CMIP: variants seen among roughly 807,000 people sequenced by gnomAD.
CMIP encodes the protein c-Maf inducing protein.
A neutral mutation model predicts 97.3 loss-of-function variants in CMIP; 13 were observed. The observed-to-expected ratio is 0.13, with a 90% CI of 0.09 to 0.21. The LOEUF (loss-of-function observed/expected upper bound fraction) is 0.21, where lower values mean the gene tolerates loss of function less well. Ranked by LOEUF, CMIP falls within the 10% of genes least tolerant of loss-of-function variation. CMIP has a pLI of 1.00. For missense variants in CMIP, 847 were observed against 1,024.9 expected (o/e 0.83, Z 2.37); for synonymous variants, 538 against 436.3 (o/e 1.23, Z -2.91).
intron 3 of CMIP, among the ~76,000 whole-genome samples, chr16:81,623,294 T>G (rs1184296950): frequency 1.3e-5 from 2 of 152,262 alleles, no homozygotes; most frequent in Non-Finnish European, 2.9e-5. Flanking sequence ...CTAGCAGCTC[T>G]CATGAAGACC....
In CMIP at chr16:81,453,538, C is replaced by T. The variant is rs1906363319; in HGVS notation, c.300+7997C>T. Among the ~76,000 whole-genome samples the T allele has an allele frequency of 1.3e-5, 2 of 152,200 alleles. No individual in the cohort carries two copies. Among genetic ancestry groups the T allele is most frequent in the African/African-American group, 2.4e-5 (1 of 41,446 alleles). Reference sequence around the variant, plus strand: ...TCTGAGCAGACCCAGGCCTGGCTCTCCTCCCTCGCATGTTGGCTCCCTGTG... The same window carrying T: ...TCTGAGCAGACCCAGGCCTGGCTCTTCTCCCTCGCATGTTGGCTCCCTGTG... On this transcript the variant is annotated intron_variant, in intron 1 of 20. Coordinates refer to ENST00000537098, the MANE Select transcript of CMIP (RefSeq NM_198390.3). The surrounding 1 kb of genome is among the most constrained non-coding windows in gnomAD (Gnocchi z 4.0).
At chr16:81,651,830 C>G (rs1486843123) in intron 3 of CMIP, among the ~76,000 whole-genome samples, 1 of 152,178 alleles carries the variant, frequency 6.6e-6, no homozygotes, top group Non-Finnish European at 1.5e-5. Flanking sequence ...CTCAGCTCTG[C>G]CAACTCTAGA....
chr16:81,492,808 T>G (rs2089425853), intron 1 of CMIP, among the ~76,000 whole-genome samples: 1 of 136,844 alleles, frequency 7.3e-6, no homozygotes, highest in South Asian at 2.4e-4. Flanking sequence ...AGGCGGAAGT[T>G]GTCGTGGGGG....
chr16:81,679,017 T>A (rs369035656), intron 10 of CMIP, among the ~76,000 whole-genome samples: 3 of 152,364 alleles, frequency 2.0e-5, no homozygotes, highest in East Asian at 3.9e-4. Flanking sequence ...TGTGTGTGTG[T>A]GAGGATCTGG....
At chr16:81,703,476 GAC>G (rs1194857638) in intron 17 of CMIP, among the ~76,000 whole-genome samples, 2 of 151,934 alleles carry the variant, frequency 1.3e-5, no homozygotes, top group Non-Finnish European at 2.9e-5. Flanking sequence ...CACAGACACA[GAC>G]ACACAGAGAC....
chr16:81,465,892 A>T (rs553903231), intron 1 of CMIP, among the ~76,000 whole-genome samples: 13 of 152,294 alleles, frequency 8.5e-5, no homozygotes, highest in African/African-American at 2.6e-4. Context: ...TGTGGGGTGA[A>T]CCAAACACAG....
intron 1 of CMIP, among the ~76,000 whole-genome samples, chr16:81,513,071 TC>T (rs1288298678): frequency 6.6e-6 from 1 of 152,232 alleles, no homozygotes; most frequent in African/African-American, 2.4e-5. Context: ...CAGTTACTAT[TC>T]TTTTGGATGC....
At chr16:81,547,649 C>A (rs1435170449) in intron 1 of CMIP, among the ~76,000 whole-genome samples, 2 of 152,084 alleles carry the variant, frequency 1.3e-5, no homozygotes, top group Non-Finnish European at 1.5e-5. Context: ...GAAGGGATCT[C>A]CTCAGAAGCC....
intron 1 of CMIP, among the ~76,000 whole-genome samples, chr16:81,466,501 C>T (rs930573349): frequency 1.3e-5 from 2 of 152,214 alleles, no homozygotes; most frequent in African/African-American, 4.8e-5. Context: ...CTTGGCGAGC[C>T]TCAGTTTCCT....
rs7204374 is a variant in CMIP, at chr16:81,550,364, A to C, written c.301-57203A>C. The stretch of plus-strand genomic sequence containing the variant: ...TGTGTGTGTGGCTGGGGCCTGCCTT[A>C]GGTGGCAGTCAGTGATGGCATGCCC... On this transcript the variant is annotated intron_variant, in intron 1 of 20. Coordinates refer to ENST00000537098, the MANE Select transcript of CMIP (RefSeq NM_198390.3). Among the ~76,000 whole-genome samples the C allele has an allele frequency of 2.6e-3, 403 of 152,328 alleles. 2 individuals carry two copies. The highest frequency in any genetic ancestry group is 9.2e-3 in the African/African-American group (382 of 41,576).
intron 1 of CMIP, among the ~76,000 whole-genome samples, chr16:81,484,919 C>T (rs1207948879): frequency 6.6e-6 from 1 of 152,110 alleles, no homozygotes; most frequent in Admixed American, 6.5e-5. Context: ...CCCTCCCTCC[C>T]CTCCTGCCTT....
chr16:81,444,848 C>T lies in CMIP; in HGVS notation c.-394C>T, dbSNP rs1905720823. Among the ~76,000 whole-genome samples, 1 of 144,448 alleles carries T rather than the reference C, an allele frequency of 6.9e-6. No individual in the cohort carries two copies. The highest frequency in any genetic ancestry group is 1.5e-5 in the Non-Finnish European group (1 of 64,940). The allele number at this position is 144,448 out of a possible 152,430, so 94.8% of individuals were successfully genotyped here. ...GCCGCGCGGACACACGCTCTGTACA[C>T]ACGCGCGCGGCGGCGCGGGGCCCCG... is the stretch of plus-strand genomic sequence containing the variant. On this transcript the variant is annotated 5_prime_UTR_variant, in exon 1 of 21. Coordinates refer to ENST00000537098, the MANE Select transcript of CMIP (RefSeq NM_198390.3).
intron 1 of CMIP, among the ~76,000 whole-genome samples, chr16:81,505,060 T>C (rs181851628): frequency 1.1e-3 from 170 of 152,364 alleles, no homozygotes; most frequent in African/African-American, 3.9e-3. Flanking sequence ...TTCTCCTTCA[T>C]GCTAAATGTC....
chr16:81,504,959 C>G (rs1010133308), intron 1 of CMIP, among the ~76,000 whole-genome samples: 5 of 152,238 alleles, frequency 3.3e-5, no homozygotes, highest in Admixed American at 3.3e-4. Flanking sequence ...CTGCTTTAGA[C>G]CCTGCTCTTT....
chr16:81,563,559 C>T (rs1472469143), intron 1 of CMIP, among the ~76,000 whole-genome samples: 2 of 152,146 alleles, frequency 1.3e-5, no homozygotes, highest in African/African-American at 2.4e-5. Flanking sequence ...TTACAAAACC[C>T]CCAGGCGATA....
rs550467242 is a variant in CMIP at position 81,448,981 on chromosome 16, C to T, written c.300+3440C>T. 7.7e-4 allele frequency among the ~76,000 whole-genome samples: 118 copies of T among 152,368 alleles called. 2 individuals are homozygous for T. The highest frequency in any genetic ancestry group is 3.4e-3 in the Middle Eastern group (1 of 294). ...ACAGCCAGGGCAGCCAGGGGTTCTG[C>T]ATAAGCGGCCGGGTTCGGCAGGACC... On this transcript the variant is annotated intron_variant, in intron 1 of 20. Transcript: ENST00000537098.
In CMIP at chr16:81,621,710, C is replaced by G. The variant is rs925478487; in HGVS notation, c.477+784C>G. The G allele has an allele frequency of 2.0e-5, 3 of 152,686 alleles. No individual in the cohort carries two copies. The highest frequency in any genetic ancestry group is 7.2e-5 in the African/African-American group (3 of 41,454). The allele number at this position is 152,686 out of a possible 1,614,324, so 9.5% of individuals were successfully genotyped here. On this transcript the variant is annotated intron_variant, in intron 3 of 20. Transcript: ENST00000537098. The surrounding 1 kb of genome is among the most constrained non-coding windows in gnomAD (Gnocchi z 4.1). The stretch of plus-strand genomic sequence containing the variant: ...AGTGTGTCATAAGCTGTCATCCTTA[C>G]AGTAAGCTGGGGAGCCACAGGGGAT...
intron 1 of CMIP, among the ~76,000 whole-genome samples, chr16:81,451,524 T>G (rs1225209283): frequency 6.6e-6 from 1 of 152,222 alleles, no homozygotes; most frequent in Non-Finnish European, 1.5e-5. Context: ...GTTGTCTCTA[T>G]TTTGATGTTC....
intron 1 of CMIP, among the ~76,000 whole-genome samples, chr16:81,535,965 T>C (rs1190184980): frequency 1.3e-5 from 2 of 152,202 alleles, no homozygotes; most frequent in East Asian, 3.8e-4. Flanking sequence ...GAGAGAGTCG[T>C]GTCACCTGAG....
Sources: allele counts gnomAD v4.1 joint callset (sites outside exome capture counted in the v4.1 genomes callset), GRCh38; gene constraint gnomAD v4.1.1; non-coding constraint Gnocchi (gnomAD v3.1); transcripts MANE v1.5; gene names NCBI Gene and HGNC (gene_info 2026-07-23, HGNC 2026-07-21).